EDN1: variants seen among roughly 807,000 people sequenced by gnomAD.
EDN1 encodes endothelin 1.
Under a neutral mutation model 21.7 loss-of-function variants are expected in EDN1, and 11 were observed. The ratio of observed to expected loss-of-function variants is 0.51; its 90% CI spans 0.32 to 0.84. EDN1 has a LOEUF of 0.84. Ranked by LOEUF, EDN1 falls within the 40% of genes least tolerant of loss-of-function variation. EDN1 has a pLI of 0.03. For synonymous variants in EDN1, 85 were observed against 90.6 expected (o/e 0.94, Z 0.35); for missense variants, 244 against 262.3 (o/e 0.93, Z 0.48).
At chr6:12,249,948 A>G in the EDN1 span, among the ~76,000 whole-genome samples, 1 of 152,136 alleles carries the variant, frequency 6.6e-6, no homozygotes, top group Non-Finnish European at 1.5e-5. Flanking sequence ...ATTCCCTGGC[A>G]TCAAGGGGAA....
chr6:12,287,712 T>TCACACACACACACA (rs66467626), upstream of EDN1, among the ~76,000 whole-genome samples: 58 of 103,070 alleles, frequency 5.6e-4, no homozygotes, highest in Non-Finnish European at 8.2e-4. Context: ...TCTCTCTCTC[T>TCACACACACACACA]CACACACACA....
At chr6:12,287,712 TCACACACACACACACA>T (rs66467626), upstream of EDN1, among the ~76,000 whole-genome samples, 7 of 103,074 alleles carry the variant, frequency 6.8e-5, no homozygotes, top group Non-Finnish European at 9.5e-5. Context: ...TCTCTCTCTC[TCACACACACACACACA>T]CACACACACA....
At chr6:12,293,551 G>A (rs911394455) in intron 2 of EDN1, among the ~76,000 whole-genome samples, 1 of 152,166 alleles carries the variant, frequency 6.6e-6, no homozygotes, top group Non-Finnish European at 1.5e-5. Flanking sequence ...GTTTTGCATT[G>A]AAACCTCTTC....
the EDN1 span, among the ~76,000 whole-genome samples, chr6:12,275,522 C>T: frequency 6.6e-6 from 1 of 151,970 alleles, no homozygotes; most frequent in Admixed American, 6.5e-5. Flanking sequence ...TTGGACTTGA[C>T]CATGAAGATG....
the EDN1 span, among the ~76,000 whole-genome samples, chr6:12,237,356 C>G: frequency 2.0e-5 from 3 of 152,076 alleles, no homozygotes; most frequent in African/African-American, 4.8e-5. Context: ...CTTTTAACCT[C>G]AAAGAATATA....
the EDN1 span, among the ~76,000 whole-genome samples, chr6:12,257,929 A>G: frequency 2.6e-5 from 4 of 152,194 alleles, no homozygotes; most frequent in Non-Finnish European, 5.9e-5. Flanking sequence ...TTTCAGAGAA[A>G]GTAGTTTGTT....
At chr6:12,262,807 G>T in the EDN1 span, among the ~76,000 whole-genome samples, 1 of 151,634 alleles carries the variant, frequency 6.6e-6, no homozygotes. Context: ...GGGAGGGGGA[G>T]GTTGCAGTGA....
At chr6:12,275,161 G>A in the EDN1 span, among the ~76,000 whole-genome samples, 6 of 152,272 alleles carry the variant, frequency 3.9e-5, no homozygotes, top group African/African-American at 1.4e-4. Context: ...TGGTACCCAC[G>A]GGGGTCCCTC....
At chr6:12,295,551 TTCTTTTTC>T (rs1236868082) in intron 4 of EDN1, among the ~76,000 whole-genome samples, 1 of 152,226 alleles carries the variant, frequency 6.6e-6, no homozygotes, top group African/African-American at 2.4e-5. Context: ...TATGCTTCTT[TTCTTTTTC>T]TCTCTTTTCA....
chr6:12,230,699 C>T, the EDN1 span, among the ~76,000 whole-genome samples: 4 of 152,184 alleles, frequency 2.6e-5, no homozygotes, highest in South Asian at 2.1e-4. Context: ...GTTGGTAACT[C>T]GAATTTTTCA....
chr6:12,257,637 T>G, the EDN1 span, among the ~76,000 whole-genome samples: 28 of 151,652 alleles, frequency 1.8e-4, no homozygotes, highest in African/African-American at 6.5e-4. Flanking sequence ...TAATCATAGT[T>G]TCCAGTTGTG....
the EDN1 span, among the ~76,000 whole-genome samples, chr6:12,257,857 A>G: frequency 9.2e-5 from 14 of 152,316 alleles, no homozygotes; most frequent in African/African-American, 2.6e-4. Context: ...TCAATATTGT[A>G]TGCTGCAGAT....
chr6:12,289,218 C>T (rs941457253), upstream of EDN1, among the ~76,000 whole-genome samples: 1 of 152,080 alleles, frequency 6.6e-6, no homozygotes, highest in Admixed American at 6.5e-5. Flanking sequence ...TATCTGATTC[C>T]TTGTTCGAAT....
Position 12,296,185 on chromosome 6 carries a change from C to A in EDN1, c.*118C>A. On this transcript the variant is annotated 3_prime_UTR_variant, in exon 5 of 5. Transcript: ENST00000379375. Reference sequence around the variant, plus strand: ...GCATCCTCTGCTGGTTCCTGACTGGCAAAGGACCAGCGTCCTCGTTCAAAA... The same window carrying A: ...GCATCCTCTGCTGGTTCCTGACTGGAAAAGGACCAGCGTCCTCGTTCAAAA... 1 of 917,324 alleles carries A rather than the reference C, an allele frequency of 1.1e-6. No homozygotes were observed. The highest frequency in any genetic ancestry group is 1.8e-6 in the Non-Finnish European group (1 of 554,212). The allele number at this position is 917,324 out of a possible 1,614,324, so 56.8% of individuals were successfully genotyped here.
chr6:12,279,981 A>G, the EDN1 span, among the ~76,000 whole-genome samples: 1 of 152,226 alleles, frequency 6.6e-6, no homozygotes, highest in South Asian at 2.1e-4. Flanking sequence ...TTTGATGAAG[A>G]AGAAAAAAGA....
upstream of EDN1, among the ~76,000 whole-genome samples, chr6:12,287,754 A>AGG (rs1762585257): frequency 7.3e-5 from 3 of 41,350 alleles, no homozygotes; most frequent in East Asian, 1.9e-3. Flanking sequence ...ACACACACAC[A>AGG]GGCGCGCGCG....
the EDN1 span, among the ~76,000 whole-genome samples, chr6:12,285,080 TTAA>T: frequency 1.1e-4 from 16 of 152,124 alleles, no homozygotes; most frequent in Admixed American, 6.5e-4. Flanking sequence ...GATTCTAATA[TTAA>T]TAATAATAAT....
chr6:12,278,301 T>C, the EDN1 span, among the ~76,000 whole-genome samples: 1 of 152,190 alleles, frequency 6.6e-6, no homozygotes, highest in African/African-American at 2.4e-5. Flanking sequence ...AGATTAAAAT[T>C]CACCAAACCT....
chr6:12,274,725 A>T, the EDN1 span, among the ~76,000 whole-genome samples: 2 of 152,196 alleles, frequency 1.3e-5, no homozygotes, highest in Non-Finnish European at 2.9e-5. Context: ...AGCTAGTCAG[A>T]CGTCCCATTG....
Sources: allele counts gnomAD v4.1 joint callset (sites outside exome capture counted in the v4.1 genomes callset), GRCh38; gene constraint gnomAD v4.1.1; transcripts MANE v1.5; gene names NCBI Gene and HGNC (gene_info 2026-07-23, HGNC 2026-07-21).